Variants in PHKB observed in about 807,000 individuals in gnomAD.
PHKB encodes phosphorylase b kinase regulatory subunit beta.
In PHKB, 122 loss-of-function variants were observed where a neutral mutation model predicts 152.1. The ratio of observed to expected loss-of-function variants is 0.80; its 90% CI spans 0.69 to 0.93. PHKB has a LOEUF of 0.93. Ranked by LOEUF, PHKB falls within the 40% of genes least tolerant of loss-of-function variation. PHKB has a pLI of 0.00. For missense variants in PHKB, 1,304 were observed against 1,328.4 expected, an observed-to-expected ratio of 0.98 and a Z score of 0.29; for synonymous variants, 436 against 464.9, an observed-to-expected ratio of 0.94 and a Z score of 0.80.
At chr16:47,536,270 C>T (rs1353954308) in intron 6 of PHKB, among the ~76,000 whole-genome samples, 8 of 152,162 alleles carry the variant, frequency 5.3e-5, no homozygotes, top group Non-Finnish European at 1.2e-4. Context: ...AGGCTGGTCT[C>T]GAACTTCTGA....
intron 1 of PHKB, among the ~76,000 whole-genome samples, chr16:47,495,268 A>G (rs545647526): frequency 2.0e-5 from 3 of 151,950 alleles, no homozygotes; most frequent in Non-Finnish European, 4.4e-5. Flanking sequence ...AGCACTTTTA[A>G]AAATAAATAT....
chr16:47,626,268 G>A (rs2151717821), intron 14 of PHKB, among the ~76,000 whole-genome samples: 1 of 152,344 alleles, frequency 6.6e-6, no homozygotes, highest in South Asian at 2.1e-4. Context: ...AGATGGCTCT[G>A]TGGTGCTAAA....
chr16:47,608,779 G>A (rs576466304), intron 13 of PHKB, among the ~76,000 whole-genome samples: 1 of 152,304 alleles, frequency 6.6e-6, no homozygotes, highest in Admixed American at 6.5e-5. Context: ...GACTATACAT[G>A]CAAGGGTTTA....
chr16:47,615,451 A>T (rs1972498627), intron 14 of PHKB, among the ~76,000 whole-genome samples: 1 of 152,190 alleles, frequency 6.6e-6, no homozygotes, highest in Non-Finnish European at 1.5e-5. Context: ...AGACAGATTG[A>T]TTGGCCAACT....
At chr16:47,647,415 C>A (rs923365688) in intron 16 of PHKB, among the ~76,000 whole-genome samples, 1 of 151,374 alleles carries the variant, frequency 6.6e-6, no homozygotes, top group Non-Finnish European at 1.5e-5. Flanking sequence ...TGAGCCACTG[C>A]GCCCAGCTTT....
At chr16:47,602,781 C>A (rs777312551) in intron 13 of PHKB, among the ~76,000 whole-genome samples, 1 of 152,112 alleles carries the variant, frequency 6.6e-6, no homozygotes, top group African/African-American at 2.4e-5. Context: ...GGGACAAATA[C>A]ATGTTTAAAT....
At chr16:47,687,178 G>T (rs1270167995) in intron 26 of PHKB, among the ~76,000 whole-genome samples, 1 of 152,068 alleles carries the variant, frequency 6.6e-6, no homozygotes, top group Non-Finnish European at 1.5e-5. Context: ...TCTAAGTAAA[G>T]AAATGAATAA....
chr16:47,685,685 G>T (rs1035123357), intron 26 of PHKB, among the ~76,000 whole-genome samples: 2 of 151,386 alleles, frequency 1.3e-5, no homozygotes, highest in African/African-American at 4.9e-5. Context: ...GAATTCCAAG[G>T]TATAAAAAGA....
chr16:47,608,327 T>C (rs1972364899), intron 13 of PHKB, among the ~76,000 whole-genome samples: 1 of 152,264 alleles, frequency 6.6e-6, no homozygotes. Context: ...TTTAACTCTT[T>C]GATCTATTTT....
intron 7 of PHKB, among the ~76,000 whole-genome samples, chr16:47,556,464 A>C (rs1415039293): frequency 3.3e-5 from 5 of 152,162 alleles, no homozygotes; most frequent in Non-Finnish European, 7.3e-5. Flanking sequence ...ATTTATTGAG[A>C]GTTTTTAGCA....
intron 6 of PHKB, among the ~76,000 whole-genome samples, chr16:47,524,422 A>C (rs1484413360): frequency 6.6e-6 from 1 of 152,208 alleles, no homozygotes; most frequent in Non-Finnish European, 1.5e-5. Flanking sequence ...ACATTTAAAC[A>C]TCTATATACA....
At chr16:47,499,409 A>G in intron 2 of PHKB, among the ~76,000 whole-genome samples, 1 of 152,350 alleles carries the variant, frequency 6.6e-6, no homozygotes, top group East Asian at 1.9e-4. Context: ...TTTAAAAAAT[A>G]TTATACTTAG....
At chr16:47,654,789 C>T in intron 20 of PHKB, among the ~76,000 whole-genome samples, 1 of 139,530 alleles carries the variant, frequency 7.2e-6, no homozygotes, top group African/African-American at 2.7e-5. Context: ...ACATCACACA[C>T]CAGGGCCTGT....
At chr16:47,658,138 C>G (rs1336411168) in intron 20 of PHKB, among the ~76,000 whole-genome samples, 1 of 152,166 alleles carries the variant, frequency 6.6e-6, no homozygotes, top group Admixed American at 6.6e-5. Context: ...GATTTCATCT[C>G]CTACCAGCTG....
intron 26 of PHKB, among the ~76,000 whole-genome samples, chr16:47,682,292 A>G (rs1184512337): frequency 6.6e-6 from 1 of 151,894 alleles, no homozygotes; most frequent in Non-Finnish European, 1.5e-5. Context: ...TATTTCCTGG[A>G]TCTGAATATT....
At chr16:47,478,584 C>T (rs1309216086) in intron 1 of PHKB, among the ~76,000 whole-genome samples, 1 of 149,812 alleles carries the variant, frequency 6.7e-6, no homozygotes, top group Non-Finnish European at 1.5e-5. Context: ...TACTAAACCC[C>T]ATTTAAAAAA....
intron 1 of PHKB, among the ~76,000 whole-genome samples, chr16:47,488,031 A>C (rs890924462): frequency 6.6e-6 from 1 of 152,196 alleles, no homozygotes; most frequent in Non-Finnish European, 1.5e-5. Flanking sequence ...ACAGTGACTG[A>C]AATAATTTAT....
intron 14 of PHKB, among the ~76,000 whole-genome samples, chr16:47,633,218 C>G (rs1226261152): frequency 5.9e-5 from 9 of 151,986 alleles, no homozygotes; most frequent in Non-Finnish European, 1.2e-4. Flanking sequence ...TGATTATTTT[C>G]TTTTGTTAAA....
intron 8 of PHKB, among the ~76,000 whole-genome samples, chr16:47,584,476 G>A (rs1025699432): frequency 6.6e-6 from 1 of 152,152 alleles, no homozygotes; most frequent in Non-Finnish European, 1.5e-5. Flanking sequence ...TCTGTAGTTT[G>A]AGAATTCCTT....
Sources: gnomAD v4.1 joint callset for allele counts (sites outside exome capture counted in the v4.1 genomes callset) on GRCh38, gnomAD v4.1.1 for gene constraint, MANE v1.5 for transcripts, NCBI Gene and HGNC (gene_info 2026-07-23, HGNC 2026-07-21) for gene names.